The following LRP2 variants were observed in gnomAD, a reference collection of about 807,000 sequenced individuals.
LRP2 encodes the protein LDL receptor related protein 2.
LRP2 carries 172 observed loss-of-function variants against 531.0 expected under a neutral mutation model. The observed-to-expected ratio is 0.32, with a 90% CI of 0.29 to 0.37. The LOEUF (loss-of-function observed/expected upper bound fraction) is 0.37. Among genes scored for constraint, LRP2 ranks in the 10% least tolerant of loss-of-function variants. The pLI, the probability that LRP2 is intolerant of heterozygous loss-of-function variation, is 1.00. For synonymous variants in LRP2, 1,992 were observed against 2,027.6 expected (o/e 0.98, Z 0.47); for missense variants, 5,167 against 5,868.3 (o/e 0.88, Z 3.90).
rs771680037 is a variant in LRP2, at chr2:169,205,605, G to A, written c.7589C>T (p.Ala2530Val). The A allele has an allele frequency of 1.2e-6, 2 of 1,613,782 alleles. No individual in the cohort carries two copies. Among genetic ancestry groups the A allele is most frequent in the Admixed American group, 1.7e-5 (1 of 59,984 alleles). ...TCCCAATGTGGCTCTCTCGATTTTGGCATGTGTATCCCAGTCAGCCCAGTA... is the reference window on the plus strand; with the variant it reads ...TCCCAATGTGGCTCTCTCGATTTTGACATGTGTATCCCAGTCAGCCCAGTA... ...YLYWADWDTH[A>V]KIERATLGGN... The change falls in exon 41 of 79, where the codon GCC becomes GTC. Residue 2530 changes from alanine (A) to valine (V), a missense_variant. By Grantham distance (64) the Ala-to-Val change is moderately conservative. This residue lies in a region of LRP2 where 1,129 missense variants were observed against 1,362.7 expected (regional missense o/e 0.83). Coordinates refer to ENST00000649046, the MANE Select transcript of LRP2 (RefSeq NM_004525.3).
At chr2:169,196,669 T>A (rs1231513340) in intron 46 of LRP2, among the ~76,000 whole-genome samples, 1 of 152,248 alleles carries the variant, frequency 6.6e-6, no homozygotes, top group Non-Finnish European at 1.5e-5. Context: ...ATCACCAATA[T>A]AATTTCATTT....
At chr2:169,151,238 C>T (rs979631002) in intron 67 of LRP2, among the ~76,000 whole-genome samples, 1 of 152,132 alleles carries the variant, frequency 6.6e-6, no homozygotes, top group Non-Finnish European at 1.5e-5. Context: ...TGAGGGGACT[C>T]CTGCCCAACA....
At chr2:169,310,660 C>A (rs1684569068) in intron 3 of LRP2, among the ~76,000 whole-genome samples, 1 of 152,124 alleles carries the variant, frequency 6.6e-6, no homozygotes. Flanking sequence ...GTCTAAAATT[C>A]TCTTTTTTTG....
intron 63 of LRP2, among the ~76,000 whole-genome samples, chr2:169,160,656 C>T (rs1005740705): frequency 1.4e-5 from 2 of 145,510 alleles, no homozygotes; most frequent in Admixed American, 6.9e-5. Context: ...CTTCCATACC[C>T]GAATTGTTTG....
Position 169,237,285 on chromosome 2 carries a change from T to C in LRP2, c.4509A>G (p.Val1503=). 1.2e-6 allele frequency: 2 copies of C among 1,610,506 alleles called. No individual in the cohort carries two copies. The highest frequency in any genetic ancestry group is 1.3e-5 in the African/African-American group (1 of 74,952). The change falls in exon 28 of 79, where the codon GTA becomes GTG. Residue 1503 remains valine (V), a splice_region_variant and synonymous_variant. Transcript: ENST00000649046. ...CAGTCAAGATGATGCTACTGTCAAA[T>C]ACCTAAAGACAAAAGTGAATAAAGA... The part of the protein sequence containing the change: ...AFQNGTDRRV[V]FDSSIILTET...
At chr2:169,140,682 C>T (rs1685689932) in intron 71 of LRP2, 137 bp from the exon 72 acceptor site, 2 of 650,336 alleles carry the variant, frequency 3.1e-6, no homozygotes, top group Admixed American at 2.3e-5. Context: ...CTTACCTTCC[C>T]CCTAAGTCCA....
rs200801347 is a variant in LRP2 at position 169,152,775 on chromosome 2, G to A, written c.12461+24C>T. The A allele has an allele frequency of 3.7e-6, 6 of 1,613,234 alleles. No homozygotes were observed. In the East Asian group the frequency reaches 1.3e-4, roughly 36 times the overall value. ...CTAACCAGGAAAACAGAACAGGTAA[G>A]GGGGGAATGTATGGCAAATTTACCT... On this transcript the variant is annotated intron_variant, in intron 67 of 78. Coordinates refer to ENST00000649046, the MANE Select transcript of LRP2 (RefSeq NM_004525.3).
chr2:169,339,074 C>T (rs1179669592), intron 1 of LRP2, among the ~76,000 whole-genome samples: 3 of 151,030 alleles, frequency 2.0e-5, no homozygotes, highest in Non-Finnish European at 2.9e-5. Flanking sequence ...ATCCTTTAAA[C>T]TCCAAATATT....
intron 75 of LRP2, 105 bp from the exon 76 acceptor site, chr2:169,137,598 A>C: frequency 1.5e-6 from 1 of 666,412 alleles, no homozygotes; most frequent in Non-Finnish European, 2.7e-6. Context: ...CCTTCCTCAC[A>C]CCTGGAGGTA....
intron 33 of LRP2, among the ~76,000 whole-genome samples, chr2:169,224,915 C>A (rs1289579833): frequency 6.6e-6 from 1 of 151,896 alleles, no homozygotes; most frequent in Non-Finnish European, 1.5e-5. Flanking sequence ...CATGGTGAAA[C>A]CCCGTCTCTA....
In LRP2 at chr2:169,250,990, C is replaced by A. The variant is rs1690161937; in HGVS notation, c.2771-3475G>T. ...TACAGGAGCACCCAGATTCATAAAG[C>A]AAGTCCTCAGTGACCTACAAAGAGT... On this transcript the variant is annotated intron_variant, in intron 19 of 78. Coordinates refer to ENST00000649046, the MANE Select transcript of LRP2 (RefSeq NM_004525.3). Among the ~76,000 whole-genome samples, 2 of 23,848 alleles carry A rather than the reference C, an allele frequency of 8.4e-5. 1 individual carries two copies. The highest frequency in any genetic ancestry group is 5.9e-4 in the African/African-American group (2 of 3,394). 15.6% of individuals were successfully genotyped at this position (23,848 alleles called of 152,430 possible). A position where few individuals can be genotyped will look rare whatever the true frequency, so the allele number is the denominator to read the frequency against.
chr2:169,267,576 C>T (rs1031040179), intron 16 of LRP2, among the ~76,000 whole-genome samples: 1 of 152,064 alleles, frequency 6.6e-6, no homozygotes, highest in Admixed American at 6.6e-5. Context: ...AGACACAACA[C>T]ACCAGAATCT....
chr2:169,151,168 T>G, intron 67 of LRP2, 142 bp from the exon 68 acceptor site: 1 of 878,408 alleles, frequency 1.1e-6, no homozygotes, highest in Non-Finnish European at 1.9e-6. Context: ...TCCCCCTCTC[T>G]TGGGGGAACT....
At chr2:169,233,650 C>A in intron 29 of LRP2, 62 bp from the exon 30 acceptor site, 2 of 1,392,236 alleles carry the variant, frequency 1.4e-6, no homozygotes, top group South Asian at 2.3e-5. Flanking sequence ...TGCACTGAGT[C>A]AAAGAGGATA....
intron 43 of LRP2, 60 bp from the exon 44 acceptor site, chr2:169,201,930 A>G: frequency 6.3e-7 from 1 of 1,597,146 alleles, no homozygotes; most frequent in Non-Finnish European, 8.5e-7. Context: ...CCTAATTTTT[A>G]AAAAGATACA....
rs908186068 is a variant in LRP2, at chr2:169,127,343, C to T, written c.*1320G>A. ...CACAGAGAGTCAGGTATGCTATTTGCTATGGGAAAGTGTATATTCCTGCCA... is the reference window on the plus strand; with the variant it reads ...CACAGAGAGTCAGGTATGCTATTTGTTATGGGAAAGTGTATATTCCTGCCA... On this transcript the variant is annotated 3_prime_UTR_variant, in exon 79 of 79. Coordinates refer to ENST00000649046, the MANE Select transcript of LRP2 (RefSeq NM_004525.3). The T allele has an allele frequency of 4.6e-5, 7 of 152,078 alleles. No individual in the cohort carries two copies. The highest frequency in any genetic ancestry group is 1.5e-4 in the African/African-American group (6 of 41,368). The allele number at this position is 152,078 out of a possible 1,614,324, so 9.4% of individuals were successfully genotyped here. A position where few individuals can be genotyped will look rare whatever the true frequency, so the allele number is the denominator to read the frequency against.
chr2:169,167,061 T>C (rs929599588), intron 61 of LRP2, among the ~76,000 whole-genome samples: 1 of 152,200 alleles, frequency 6.6e-6, no homozygotes, highest in Non-Finnish European at 1.5e-5. Context: ...TAAAACAGTA[T>C]TGGAAACCTT....
intron 1 of LRP2, among the ~76,000 whole-genome samples, chr2:169,355,053 A>T (rs996464547): frequency 5.9e-5 from 9 of 152,224 alleles, no homozygotes; most frequent in African/African-American, 2.2e-4. Context: ...GACTTAAGGG[A>T]TCCTGTAGTC....
rs1688677900 is a variant in LRP2, at chr2:169,213,712, T to C, written c.5985A>G (p.Ile1995Met). Residue 1995 changes from isoleucine to methionine, a missense_variant, in exon 36 of 79, where the codon ATA becomes ATG. Ile to Met is a conservative substitution (Grantham distance 10, BLOSUM62 1). Transcript: ENST00000649046. ...RVDKATGANKIVLRDNVPNLR... is the reference protein window; with the variant it reads ...RVDKATGANKMVLRDNVPNLR... ...GATTTGGAACATTATCTCTCAAGAC[T>C]ATTTTGTTGGCCCCAGTGGCCTTAT... 1 of 1,613,840 alleles carries C rather than the reference T, an allele frequency of 6.2e-7. No individual in the cohort carries two copies. The highest frequency in any genetic ancestry group is 8.5e-7 in the Non-Finnish European group (1 of 1,179,854).
Sources: allele counts gnomAD v4.1 joint callset (sites outside exome capture counted in the v4.1 genomes callset), GRCh38; gene constraint gnomAD v4.1.1; regional missense constraint gnomAD v4.1.1; transcripts MANE v1.5; gene names NCBI Gene and HGNC (gene_info 2026-07-23, HGNC 2026-07-21).